Variants in LRRC3B observed in about 807,000 individuals in gnomAD.
The protein encoded by LRRC3B is leucine rich repeat containing 3B.
A neutral mutation model predicts 12.8 loss-of-function variants in LRRC3B; 2 were observed. The ratio of observed to expected loss-of-function variants is 0.16; its 90% CI spans 0.06 to 0.49. The LOEUF (loss-of-function observed/expected upper bound fraction) is 0.49. LRRC3B is among the 20% of genes least tolerant of loss of function. The pLI is 0.96. For missense variants in LRRC3B, 189 were observed against 319.4 expected (o/e 0.59, Z 3.11); for synonymous variants, 132 against 122.0 (o/e 1.08, Z -0.54).
intron 1 of LRRC3B, among the ~76,000 whole-genome samples, chr3:26,676,940 G>A (rs1699872334): frequency 6.6e-6 from 1 of 152,204 alleles, no homozygotes; most frequent in South Asian, 2.1e-4. Flanking sequence ...TGCTCTGGGT[G>A]GAAGTGTAGA....
At chr3:26,643,435 A>C (rs1699076550) in intron 1 of LRRC3B, among the ~76,000 whole-genome samples, 1 of 152,162 alleles carries the variant, frequency 6.6e-6, no homozygotes, top group Non-Finnish European at 1.5e-5. Flanking sequence ...TGGTTATGTC[A>C]GCCCAGGGCT....
intron 1 of LRRC3B, among the ~76,000 whole-genome samples, chr3:26,678,496 A>T (rs1473468632): frequency 1.6e-5 from 2 of 127,374 alleles, no homozygotes; most frequent in East Asian, 4.7e-4. Context: ...CCTGTCTCAA[A>T]AAACGAAAAA....
rs552681961 is a variant in LRRC3B, at chr3:26,648,691, C to T, written c.-161+25454C>T. ...CCTAAGAGGACCCCTCACACAAATG[C>T]GCATGTCTACTGGGAAAAATGTGTA... On this transcript the variant is annotated intron_variant, in intron 1 of 1. Transcript: ENST00000396641. Among the ~76,000 whole-genome samples, 4 of 152,258 alleles carry T rather than the reference C, an allele frequency of 2.6e-5. No homozygotes were observed. In the East Asian group the frequency reaches 5.8e-4, roughly 22 times the overall value.
intron 1 of LRRC3B, among the ~76,000 whole-genome samples, chr3:26,646,598 TAAAAAAAAA>T (rs529066996): frequency 5.0e-5 from 5 of 99,640 alleles, no homozygotes; most frequent in Non-Finnish European, 1.0e-4. Context: ...GGATAGGAGG[TAAAAAAAAA>T]AAAAAAAAAA....
At chr3:26,685,538 TA>T (rs1445180227) in intron 1 of LRRC3B, among the ~76,000 whole-genome samples, 1 of 102,594 alleles carries the variant, frequency 9.7e-6, no homozygotes, top group African/African-American at 3.2e-5. Context: ...TATATATATA[TA>T]TATATATATA....
chr3:26,710,722 A>G (rs971240757), exon 2 of LRRC3B: 2 of 278,328 alleles, frequency 7.2e-6, no homozygotes, highest in Non-Finnish European at 1.4e-5. Context: ...TTAATAATGA[A>G]ATTTATTTTT....
intron 1 of LRRC3B, among the ~76,000 whole-genome samples, chr3:26,690,485 G>A (rs767687004): frequency 4.6e-5 from 7 of 152,172 alleles, no homozygotes; most frequent in Non-Finnish European, 8.8e-5. Context: ...ACTGCATCGT[G>A]CAGACAATTA....
chr3:26,670,830 TG>T (rs1699704442), intron 1 of LRRC3B, among the ~76,000 whole-genome samples: 1 of 152,120 alleles, frequency 6.6e-6, no homozygotes, highest in African/African-American at 2.4e-5. Flanking sequence ...AATCTGGTAT[TG>T]GGGACATAAT....
intron 1 of LRRC3B, among the ~76,000 whole-genome samples, chr3:26,643,114 T>C (rs1699066333): frequency 6.6e-6 from 1 of 151,600 alleles, no homozygotes; most frequent in Non-Finnish European, 1.5e-5. Flanking sequence ...AATTGGTGGG[T>C]GAGTGACAAA....
chr3:26,658,780 A>G (rs1362345327), intron 1 of LRRC3B, among the ~76,000 whole-genome samples: 2 of 152,256 alleles, frequency 1.3e-5, no homozygotes, highest in Non-Finnish European at 1.5e-5. Context: ...GTGAGTTTGC[A>G]TAATTTAGGC....
At chr3:26,693,472 T>C (rs1219775034) in intron 1 of LRRC3B, among the ~76,000 whole-genome samples, 2 of 152,024 alleles carry the variant, frequency 1.3e-5, no homozygotes, top group Admixed American at 6.5e-5. Context: ...GACTAAAGAA[T>C]GGGAAAATAG....
chr3:26,681,018 T>C (rs970023077), intron 1 of LRRC3B, among the ~76,000 whole-genome samples: 3 of 152,230 alleles, frequency 2.0e-5, no homozygotes, highest in Non-Finnish European at 4.4e-5. Context: ...TTGTCACTTA[T>C]ATACTACAAA....
chr3:26,646,106 C>T (rs1575123260), intron 1 of LRRC3B, among the ~76,000 whole-genome samples: 1 of 152,170 alleles, frequency 6.6e-6, no homozygotes, highest in East Asian at 1.9e-4. Context: ...ATGTAGGCCA[C>T]CTCATCTTTA....
chr3:26,683,332 G>T (rs1700008864), intron 1 of LRRC3B, among the ~76,000 whole-genome samples: 1 of 152,180 alleles, frequency 6.6e-6, no homozygotes, highest in South Asian at 2.1e-4. Context: ...TGATCTGTTG[G>T]GTAAATTGTA....
chr3:26,706,342 C>G (rs756146197), intron 1 of LRRC3B, among the ~76,000 whole-genome samples: 5 of 152,160 alleles, frequency 3.3e-5, no homozygotes, highest in Non-Finnish European at 5.9e-5. Context: ...GCTCAGCTCT[C>G]TACATCCTGC....
chr3:26,643,282 A>G (rs1699072816), intron 1 of LRRC3B, among the ~76,000 whole-genome samples: 1 of 99,424 alleles, frequency 1.0e-5, no homozygotes, highest in Admixed American at 1.2e-4. Context: ...GTGTGTATAC[A>G]TGTATATGTA....
intron 1 of LRRC3B, chr3:26,624,747 TCTGCCCACCTTGCAG>T (rs1411183350): frequency 6.6e-6 from 1 of 152,256 alleles, no homozygotes; most frequent in Admixed American, 6.5e-5. Flanking sequence ...CAGAGGTGGA[TCTGCCCACCTTGCAG>T]CTCCCAGGTA....
At chr3:26,692,349 C>G (rs1419698415) in intron 1 of LRRC3B, among the ~76,000 whole-genome samples, 1 of 152,148 alleles carries the variant, frequency 6.6e-6, no homozygotes, top group Admixed American at 6.5e-5. Context: ...TAATTCCACA[C>G]CAGGAACTGT....
At chr3:26,655,446 A>G (rs1482238252) in intron 1 of LRRC3B, among the ~76,000 whole-genome samples, 1 of 152,206 alleles carries the variant, frequency 6.6e-6, no homozygotes, top group Non-Finnish European at 1.5e-5. Flanking sequence ...GTAAAAGCCA[A>G]ACTCGAGCCT....
Sources: gnomAD v4.1 joint callset for allele counts (sites outside exome capture counted in the v4.1 genomes callset) on GRCh38, gnomAD v4.1.1 for gene constraint, MANE v1.5 for transcripts, NCBI Gene and HGNC (gene_info 2026-07-23, HGNC 2026-07-21) for gene names.